The following PTK2 variants were observed in gnomAD, a reference collection of about 807,000 sequenced individuals.
The protein encoded by PTK2 is focal adhesion kinase 1.
A neutral mutation model predicts 150.1 loss-of-function variants in PTK2; 45 were observed. That is an observed-to-expected ratio of 0.30 (90% CI 0.24 to 0.38). The LOEUF (loss-of-function observed/expected upper bound fraction) is 0.38. Ranked by LOEUF, PTK2 falls within the 10% of genes least tolerant of loss-of-function variation. PTK2 has a pLI of 1.00. For synonymous variants in PTK2, 432 were observed against 449.2 expected, an observed-to-expected ratio of 0.96 and a Z score of 0.48; for missense variants, 919 against 1,307.3, an observed-to-expected ratio of 0.70 and a Z score of 4.58.
chr8:140,944,900 C>A (rs2154608947), intron 1 of PTK2, among the ~76,000 whole-genome samples: 1 of 152,286 alleles, frequency 6.6e-6, no homozygotes, highest in South Asian at 2.1e-4. Flanking sequence ...GAAAGGTACT[C>A]ATCTCTTGGT....
At chr8:140,845,482 T>C (rs901930678) in intron 7 of PTK2, among the ~76,000 whole-genome samples, 1 of 152,178 alleles carries the variant, frequency 6.6e-6, no homozygotes, top group Non-Finnish European at 1.5e-5. Flanking sequence ...GAATCACTCA[T>C]TCTTTAAGAC....
At chr8:140,991,879 T>C (rs59427500) in intron 1 of PTK2, among the ~76,000 whole-genome samples, 26 of 149,840 alleles carry the variant, frequency 1.7e-4, no homozygotes, top group African/African-American at 5.3e-4. Context: ...CGTAGTGGCA[T>C]GCGCCTGTAG....
At chr8:140,919,208 T>A (rs904065525) in intron 2 of PTK2, among the ~76,000 whole-genome samples, 9 of 152,290 alleles carry the variant, frequency 5.9e-5, no homozygotes, top group African/African-American at 2.2e-4. Context: ...CTTAACACTA[T>A]CCCTACCTTT....
intron 22 of PTK2, chr8:140,732,557 C>T (rs1387952207): frequency 1.9e-6 from 1 of 528,702 alleles, no homozygotes; most frequent in Middle Eastern, 3.3e-4. Flanking sequence ...GAGGTTTGGG[C>T]AACACCGAGG....
rs573479045 is a variant in PTK2, at chr8:140,992,644, G to A, written c.-122+8481C>T. Among the ~76,000 whole-genome samples the A allele has an allele frequency of 3.9e-5, 6 of 152,304 alleles. No individual in the cohort carries two copies. The East Asian group carries it at 9.6e-4, about 24-fold the overall frequency. ...AAGCCCCTGGAGCTTACTGGAACGT[G>A]TGCGTGAACAGTGTGAATGAGTTAC... On this transcript the variant is annotated intron_variant, in intron 1 of 31. Transcript: ENST00000522684.
In PTK2 at chr8:140,775,466, C is replaced by T. The variant is rs184190586; in HGVS notation, c.1178-11176G>A. ...CGCCACTGCACTCCAGTCTGGACAA[C>T]GGAGTGAGACCCTGCCTTAAAAAAA... On this transcript the variant is annotated intron_variant, in intron 14 of 31. Coordinates refer to ENST00000522684, the Ensembl canonical transcript of PTK2. Among the ~76,000 whole-genome samples the T allele has an allele frequency of 5.5e-3, 829 of 152,026 alleles. 6 individuals are homozygous for T. Among genetic ancestry groups the T allele is most frequent in the South Asian group, 0.031 (148 of 4,796 alleles).
At chr8:140,770,962 T>G (rs909847014) in intron 14 of PTK2, 163 bp from the exon 15 acceptor site, 2 of 210,564 alleles carry the variant, frequency 9.5e-6, no homozygotes, top group Non-Finnish European at 9.6e-6. Context: ...TATGATTGAC[T>G]TGAGTTTTAA....
chr8:140,698,459 T>G (rs1459219754), intron 26 of PTK2, among the ~76,000 whole-genome samples: 1 of 152,124 alleles, frequency 6.6e-6, no homozygotes, highest in Non-Finnish European at 1.5e-5. Flanking sequence ...ATAACATATT[T>G]TTTCTTTTTT....
chr8:140,805,282 C>T (rs940554411), intron 10 of PTK2, among the ~76,000 whole-genome samples: 2 of 152,102 alleles, frequency 1.3e-5, no homozygotes, highest in Admixed American at 6.6e-5. Context: ...CATATTTGGC[C>T]GGGTGTGGTG....
intron 21 of PTK2, among the ~76,000 whole-genome samples, chr8:140,736,509 C>T (rs1444530654): frequency 6.8e-6 from 1 of 147,984 alleles, no homozygotes; most frequent in East Asian, 2.0e-4. Context: ...TGCACATGGA[C>T]CCTCTGAATC....
At chr8:140,780,178 A>C (rs2100080866) in intron 14 of PTK2, among the ~76,000 whole-genome samples, 1 of 152,198 alleles carries the variant, frequency 6.6e-6, no homozygotes, top group South Asian at 2.1e-4. Flanking sequence ...CATTCCAGCT[A>C]AACAAAGGGA....
At chr8:140,906,961 CAAT>C (rs2100161140) in intron 2 of PTK2, among the ~76,000 whole-genome samples, 1 of 152,224 alleles carries the variant, frequency 6.6e-6, no homozygotes, top group East Asian at 1.9e-4. Flanking sequence ...TTACCTGACA[CAAT>C]GTCTTAAGAA....
At chr8:140,904,915 G>A (rs1425130880) in intron 2 of PTK2, among the ~76,000 whole-genome samples, 2 of 151,902 alleles carry the variant, frequency 1.3e-5, no homozygotes, top group Non-Finnish European at 2.9e-5. Flanking sequence ...CTGGCTAGCG[G>A]TCTATTTTGT....
chr8:140,788,558 C>T (rs961290054), intron 14 of PTK2, among the ~76,000 whole-genome samples: 1 of 152,080 alleles, frequency 6.6e-6, no homozygotes, highest in South Asian at 2.1e-4. Flanking sequence ...GTGGTAGGCA[C>T]CTGTAATCCC....
intron 16 of PTK2, among the ~76,000 whole-genome samples, chr8:140,756,621 C>G (rs535238605): frequency 1.4e-5 from 2 of 147,876 alleles, no homozygotes; most frequent in Non-Finnish European, 3.0e-5. Context: ...CGCTTGAACC[C>G]GGGAGGTTGT....
At chr8:140,923,440 G>A (rs1489173147) in intron 2 of PTK2, among the ~76,000 whole-genome samples, 3 of 152,214 alleles carry the variant, frequency 2.0e-5, no homozygotes, top group Non-Finnish European at 2.9e-5. Context: ...AGTTCAGAGA[G>A]GCCAAGCAAC....
intron 2 of PTK2, among the ~76,000 whole-genome samples, chr8:140,901,522 A>G (rs6992780): frequency 0.43 from 64,878 of 151,988 alleles, 14,456 homozygotes; most frequent in South Asian, 0.55. Context: ...GCACCTACCC[A>G]TCTGACAACG....
At chr8:140,717,241 T>C (rs2100040197) in intron 23 of PTK2, among the ~76,000 whole-genome samples, 1 of 152,168 alleles carries the variant, frequency 6.6e-6, no homozygotes, top group Non-Finnish European at 1.5e-5. Flanking sequence ...ATGCAAAGCA[T>C]CTGTGACCTA....
chr8:140,867,699 T>C (rs1351019482), intron 4 of PTK2, among the ~76,000 whole-genome samples: 4 of 152,180 alleles, frequency 2.6e-5, no homozygotes, highest in Non-Finnish European at 5.9e-5. Flanking sequence ...CTGTGACACG[T>C]AGTTTACCTA....
Sources: allele counts gnomAD v4.1 joint callset (sites outside exome capture counted in the v4.1 genomes callset), GRCh38; gene constraint gnomAD v4.1.1; transcripts MANE v1.5; gene names NCBI Gene and HGNC (gene_info 2026-07-23, HGNC 2026-07-21).